The following MTA3 variants were observed in gnomAD, a reference collection of about 807,000 sequenced individuals.
The protein encoded by MTA3 is metastasis-associated protein MTA3.
In MTA3, 34 loss-of-function variants were observed where a neutral mutation model predicts 83.5. The ratio of observed to expected loss-of-function variants is 0.41; its 90% CI spans 0.31 to 0.54. MTA3 has a LOEUF of 0.54. Ranked by LOEUF, MTA3 falls within the 20% of genes least tolerant of loss-of-function variation. MTA3 has a pLI of 0.33. For synonymous variants in MTA3, 303 were observed against 252.7 expected (o/e 1.20, Z -1.89); for missense variants, 761 against 726.4 (o/e 1.05, Z -0.55).
chr2:42,708,694 C>G (rs1666323205), intron 13 of MTA3, among the ~76,000 whole-genome samples, 180 bp from the exon 14 acceptor site: 1 of 152,184 alleles, frequency 6.6e-6, no homozygotes, highest in African/African-American at 2.4e-5. Flanking sequence ...TCTCTACTCC[C>G]CACCTCTTTC....
intron 4 of MTA3, among the ~76,000 whole-genome samples, chr2:42,637,969 A>T (rs1687344642): frequency 6.6e-6 from 1 of 152,178 alleles, no homozygotes; most frequent in African/African-American, 2.4e-5. Context: ...TTGGCTGGGC[A>T]TAGTGCAGTA....
At chr2:42,570,334 G>A in intron 1 of MTA3, 103 bp from the exon 2 acceptor site, 1 of 613,046 alleles carries the variant, frequency 1.6e-6, no homozygotes, top group Non-Finnish European at 2.8e-6. Context: ...AATGAATTAT[G>A]AGCTTAATTT....
intron 6 of MTA3, among the ~76,000 whole-genome samples, chr2:42,646,599 G>T (rs935926078): frequency 6.6e-6 from 1 of 152,216 alleles, no homozygotes; most frequent in Non-Finnish European, 1.5e-5. Flanking sequence ...TGTAGTTATG[G>T]TGGATATAAT....
chr2:42,532,904 C>T (rs1676043843), intron 2 of MTA3: 2 of 306,676 alleles, frequency 6.5e-6, no homozygotes, highest in African/African-American at 2.3e-5. Context: ...TTTTTCCTGA[C>T]CATTTTCCTT....
intron 2 of MTA3, among the ~76,000 whole-genome samples, chr2:42,540,608 G>A (rs1346156611): frequency 1.3e-5 from 2 of 151,980 alleles, no homozygotes; most frequent in Admixed American, 6.5e-5. Context: ...GCCGAGGCAG[G>A]AGGATCGCTT....
chr2:42,603,784 A>G (rs1318783199), intron 3 of MTA3, among the ~76,000 whole-genome samples: 1 of 152,138 alleles, frequency 6.6e-6, no homozygotes, highest in East Asian at 1.9e-4. Flanking sequence ...TTTGAGACGG[A>G]GTCTGGCTCT....
intron 14 of MTA3, among the ~76,000 whole-genome samples, chr2:42,716,036 C>T (rs1462303301): frequency 6.6e-6 from 1 of 152,236 alleles, no homozygotes; most frequent in Non-Finnish European, 1.5e-5. Flanking sequence ...TTGATCCTTA[C>T]AGGCTTTGGG....
chr2:42,586,270 A>G (rs1680265570), intron 3 of MTA3, among the ~76,000 whole-genome samples: 1 of 149,534 alleles, frequency 6.7e-6, no homozygotes, highest in Non-Finnish European at 1.5e-5. Flanking sequence ...GTGAAACTCC[A>G]TCTCAAAAGA....
chr2:42,656,611 C>G (rs548636595), intron 7 of MTA3, among the ~76,000 whole-genome samples: 43 of 152,134 alleles, frequency 2.8e-4, no homozygotes, highest in Non-Finnish European at 5.6e-4. Flanking sequence ...TTTTACTTGA[C>G]ATAGCTTTAC....
chr2:42,712,321 G>A (rs1001810860), intron 14 of MTA3, among the ~76,000 whole-genome samples: 3 of 151,842 alleles, frequency 2.0e-5, no homozygotes, highest in Admixed American at 6.6e-5. Context: ...TTTAAGAGAC[G>A]GTCTTGCTCT....
chr2:42,618,324 C>T (rs1014309637), intron 4 of MTA3, among the ~76,000 whole-genome samples: 4 of 152,062 alleles, frequency 2.6e-5, no homozygotes, highest in Non-Finnish European at 5.9e-5. Context: ...CTTTTTCTAA[C>T]TTAGGGGAAC....
chr2:42,739,653 G>T (rs1668877884), intron 16 of MTA3, among the ~76,000 whole-genome samples: 2 of 152,132 alleles, frequency 1.3e-5, no homozygotes, highest in Admixed American at 6.5e-5. Context: ...AGATTTCTTT[G>T]TGGCGTGTGA....
At chr2:42,588,457 T>C (rs567111652) in intron 3 of MTA3, among the ~76,000 whole-genome samples, 1 of 152,310 alleles carries the variant, frequency 6.6e-6, no homozygotes, top group South Asian at 2.1e-4. Context: ...AAAAAGCATA[T>C]AGCAGTCATT....
intron 3 of MTA3, among the ~76,000 whole-genome samples, chr2:42,597,264 C>T (rs1234743357): frequency 2.6e-5 from 4 of 151,630 alleles, no homozygotes; most frequent in Non-Finnish European, 5.9e-5. Context: ...GGGGTCTCAC[C>T]GTGTTGCCCA....
Position 42,659,787 on chromosome 2 carries a change from C to T in MTA3, c.627C>T (p.Ala209=), listed in dbSNP as rs914437279. The T allele has an allele frequency of 2.5e-6, 4 of 1,602,942 alleles. No individual in the cohort carries two copies. The highest frequency in any genetic ancestry group is 1.3e-5 in the African/African-American group (1 of 74,192). ...VARAVGTFAR[A]LDCSSSVRQP... Reference sequence around the variant, plus strand: ...GTGCTGTTGGGACATTCGCCAGAGCCCTGGATTGCAGCAGTTCTGTGAGGC... The same window carrying T: ...GTGCTGTTGGGACATTCGCCAGAGCTCTGGATTGCAGCAGTTCTGTGAGGC... Residue 209 remains alanine (A), a synonymous_variant, in exon 8 of 17, where the codon GCC becomes GCT. Transcript: ENST00000405094.
intron 2 of MTA3, among the ~76,000 whole-genome samples, chr2:42,538,344 T>C (rs1484640126): frequency 6.6e-6 from 1 of 152,132 alleles, no homozygotes; most frequent in Non-Finnish European, 1.5e-5. Context: ...TATATGGGTG[T>C]TCATTATCTT....
rs534886902 is a variant in MTA3, at chr2:42,744,168, T to C, written c.1760-9206T>C. On this transcript the variant is annotated intron_variant, in intron 16 of 16. Transcript: ENST00000405094. Reference sequence around the variant, plus strand: ...ATGTATTGAGAGGGTTTCAGGCCTATTGAAGCATTGTCTGAGGGCAGCAGA... The same window carrying C: ...ATGTATTGAGAGGGTTTCAGGCCTACTGAAGCATTGTCTGAGGGCAGCAGA... 3.0e-4 allele frequency among the ~76,000 whole-genome samples: 46 copies of C among 152,326 alleles called. 1 individual carries two copies. The South Asian group carries it at 8.1e-3, about 27-fold the overall frequency.
In MTA3 at chr2:42,521,308, T is replaced by G. The variant is rs538142740; in HGVS notation, c.-141+26054T>G. 3.9e-5 allele frequency among the ~76,000 whole-genome samples: 6 copies of G among 152,240 alleles called. No individual in the cohort carries two copies. The South Asian group carries it at 1.2e-3, about 32-fold the overall frequency. Reference sequence around the variant, plus strand: ...CAGCAATCAGAGTGGACCTGAGGCCTGCCAACAGCCACGTGAGTGAACTTG... The same window carrying G: ...CAGCAATCAGAGTGGACCTGAGGCCGGCCAACAGCCACGTGAGTGAACTTG... On this transcript the variant is annotated intron_variant, in intron 2 of 17. Coordinates refer to the MTA3 transcript ENST00000405592.
chr2:42,723,017 C>T lies in MTA3; in HGVS notation c.1741C>T (p.His581Tyr). 6.4e-7 allele frequency: 1 copy of T among 1,550,826 alleles called. No individual in the cohort carries two copies. The highest frequency in any genetic ancestry group is 8.7e-7 in the Non-Finnish European group (1 of 1,147,028). ...LSILGKRNYS[H>Y]HNGLDELTCC... is the part of the protein sequence containing the mutation. ...CATTCTGGGGAAAAGAAACTACAGT[C>T]ATCACAATGGTCTGGATGGTATGTA... Residue 581 changes from histidine (H) to tyrosine (Y), a missense_variant, in exon 16 of 17, where the codon CAT becomes TAT. Coordinates refer to ENST00000405094, the MANE Select transcript of MTA3 (RefSeq NM_001330442.2).
Sources: gnomAD v4.1 joint callset for allele counts (sites outside exome capture counted in the v4.1 genomes callset) on GRCh38, gnomAD v4.1.1 for gene constraint, MANE v1.5 for transcripts, NCBI Gene and HGNC (gene_info 2026-07-23, HGNC 2026-07-21) for gene names.